VPS45: variants seen among roughly 807,000 people sequenced by gnomAD.
The protein encoded by VPS45 is vacuolar protein sorting 45 homolog, also known as vacuolar protein sorting-associated protein 45.
A neutral mutation model predicts 75.9 loss-of-function variants in VPS45; 35 were observed. The observed-to-expected ratio is 0.46, with a 90% CI of 0.35 to 0.61. The LOEUF (loss-of-function observed/expected upper bound fraction) is 0.61. Among genes scored for constraint, VPS45 ranks in the 20% least tolerant of loss-of-function variants. The pLI, the probability that VPS45 is intolerant of heterozygous loss-of-function variation, is 0.00. For synonymous variants in VPS45, 220 were observed against 238.2 expected (o/e 0.92, Z 0.70); for missense variants, 559 against 685.9 (o/e 0.81, Z 2.07).
Position 150,098,881 on chromosome 1 carries a change from A to T in VPS45, c.1493+5233A>T, listed in dbSNP as rs782379869. 2.4e-6 allele frequency: 3 copies of T among 1,273,094 alleles called. No individual in the cohort carries two copies. The East Asian group carries it at 1.7e-4, about 73-fold the overall frequency. 78.9% of individuals were successfully genotyped at this position (1,273,094 alleles called of 1,614,324 possible). On this transcript the variant is annotated intron_variant, in intron 13 of 14. Coordinates refer to ENST00000644510, the MANE Select transcript of VPS45 (RefSeq NM_007259.5). ...CTCTTGTCTCTGATAAAGGCAAGCA[A>T]CTTTTTCATTTGGTGAGGAAATGGA...
At chr1:150,128,758 G>A (rs1658653556) in intron 14 of VPS45, among the ~76,000 whole-genome samples, 1 of 145,660 alleles carries the variant, frequency 6.9e-6, no homozygotes, top group African/African-American at 2.6e-5. Flanking sequence ...TTTTTTCAGT[G>A]AGACAGAGTC....
rs201955039 is a variant in VPS45 at position 150,077,717 on chromosome 1, G to T, written c.625G>T (p.Val209Phe). ...YELFEFRRTEVPPLLLILDRC... is the reference protein window; with the variant it reads ...YELFEFRRTEFPPLLLILDRC... ...ACTGTTTGAATTCCGTCGGACAGAG[G>T]TTCCTCCATTGCTCCTTATTTTAGA... Residue 209 changes from valine (V) to phenylalanine (F), a missense_variant, in exon 7 of 15, where the codon GTT (valine) becomes TTT (phenylalanine). Physicochemically the swap from Val to Phe is conservative, Grantham distance 50. Transcript: ENST00000644510. 1.4e-4 allele frequency: 221 copies of T among 1,613,992 alleles called. 1 individual carries two copies. The East Asian group carries it at 4.3e-3, about 31-fold the overall frequency.
intron 14 of VPS45, among the ~76,000 whole-genome samples, chr1:150,126,265 C>T (rs1658513591): frequency 6.6e-6 from 1 of 152,014 alleles, no homozygotes; most frequent in South Asian, 2.1e-4. Flanking sequence ...TGCTGGAGTG[C>T]AGTGGTGCCA....
chr1:150,096,027 G>A (rs1407620145), intron 13 of VPS45, among the ~76,000 whole-genome samples: 1 of 152,122 alleles, frequency 6.6e-6, no homozygotes, highest in African/African-American at 2.4e-5. Flanking sequence ...TGAGAGAGAA[G>A]CCAGAATCAA....
In VPS45 at chr1:150,077,046, A is replaced by G. The variant is rs1655430091; in HGVS notation, c.439-48A>G. 1.9e-6 allele frequency: 3 copies of G among 1,613,094 alleles called. No homozygotes were observed. The East Asian group carries it at 6.7e-5, about 36-fold the overall frequency. The stretch of plus-strand genomic sequence containing the variant: ...TAATTCAGCAAATAATTAGACTTGT[A>G]AGAGAAAATTCAAATATTTTCTCTG... On this transcript the variant is annotated intron_variant, in intron 5 of 14. Coordinates refer to ENST00000644510, the MANE Select transcript of VPS45 (RefSeq NM_007259.5).
chr1:150,118,428 C>T (rs782605509), intron 14 of VPS45, among the ~76,000 whole-genome samples: 13 of 151,250 alleles, frequency 8.6e-5, no homozygotes, highest in East Asian at 1.9e-4. Flanking sequence ...TTTTTGGGGA[C>T]GGAGTCTTGC....
chr1:150,131,644 G>A (rs1221806964), intron 14 of VPS45, among the ~76,000 whole-genome samples: 1 of 145,958 alleles, frequency 6.9e-6, no homozygotes, highest in African/African-American at 2.6e-5. Context: ...AGACCAATCT[G>A]GGCAACAAAG....
intron 13 of VPS45, among the ~76,000 whole-genome samples, chr1:150,106,970 A>T (rs782583036): frequency 1.3e-5 from 2 of 152,132 alleles, no homozygotes; most frequent in African/African-American, 2.4e-5. Context: ...TGCATTTCAC[A>T]CTATTAACCA....
At chr1:150,078,223 T>C (rs587724646) in intron 7 of VPS45, among the ~76,000 whole-genome samples, 23 of 152,344 alleles carry the variant, frequency 1.5e-4, no homozygotes, top group African/African-American at 4.6e-4. Flanking sequence ...TTATTACTCT[T>C]GGCTTAAAAA....
At chr1:150,077,018 A>C (rs1553798249) in intron 5 of VPS45, 34 bp downstream of exon 5, 2 of 1,613,678 alleles carry the variant, frequency 1.2e-6, no homozygotes, top group Admixed American at 1.7e-5. Context: ...ATCAGTCGAG[A>C]GTTAATTCAG....
chr1:150,143,186 C>A (rs1659488948), intron 14 of VPS45, among the ~76,000 whole-genome samples: 1 of 152,138 alleles, frequency 6.6e-6, no homozygotes, highest in South Asian at 2.1e-4. Flanking sequence ...ATGGAGGGGT[C>A]TGGAAGGGCT....
intron 14 of VPS45, among the ~76,000 whole-genome samples, chr1:150,143,237 G>A (rs1553815782): frequency 6.6e-6 from 1 of 152,192 alleles, no homozygotes; most frequent in African/African-American, 2.4e-5. Flanking sequence ...ATTTATGTAT[G>A]TATGTATGAA....
At chr1:150,102,075 A>G (rs1657053208) in intron 13 of VPS45, among the ~76,000 whole-genome samples, 1 of 194 alleles carries the variant, frequency 5.2e-3, no homozygotes, top group Non-Finnish European at 9.4e-3. Context: ...CGTCTCTACT[A>G]AAAAATAAAA....
At chr1:150,107,854 T>C (rs1657415441) in intron 13 of VPS45, among the ~76,000 whole-genome samples, 1 of 152,128 alleles carries the variant, frequency 6.6e-6, no homozygotes, top group African/African-American at 2.4e-5. Context: ...TGAGCTGACA[T>C]TGCACCACTG....
chr1:150,142,597 A>G (rs1328452015), intron 14 of VPS45, among the ~76,000 whole-genome samples: 1 of 152,234 alleles, frequency 6.6e-6, no homozygotes, highest in Non-Finnish European at 1.5e-5. Context: ...TCATTCCTCC[A>G]GTCCTCTGTC....
intron 7 of VPS45, among the ~76,000 whole-genome samples, chr1:150,079,375 G>A (rs781937542): frequency 6.6e-6 from 1 of 152,042 alleles, no homozygotes; most frequent in Non-Finnish European, 1.5e-5. Context: ...TAAGAACAGT[G>A]CACATAGCGG....
intron 14 of VPS45, among the ~76,000 whole-genome samples, chr1:150,140,312 C>T (rs72694944): frequency 0.11 from 16,093 of 151,530 alleles, 1,194 homozygotes; most frequent in Non-Finnish European, 0.17. Context: ...TACAAAGAGG[C>T]AGTATAGCAT....
At chr1:150,137,126 C>T (rs1659150231) in intron 14 of VPS45, among the ~76,000 whole-genome samples, 1 of 152,158 alleles carries the variant, frequency 6.6e-6, no homozygotes, top group African/African-American at 2.4e-5. Flanking sequence ...TCTCGAGCTC[C>T]TGAACTCAAA....
At chr1:150,068,519 TTAC>T in intron 1 of VPS45, 108 bp from the exon 2 acceptor site, 1 of 1,038,908 alleles carries the variant, frequency 9.6e-7, no homozygotes, top group African/African-American at 1.6e-5. Flanking sequence ...TTTCCGTATA[TTAC>T]TATTTAAGTT....
Sources: allele counts gnomAD v4.1 joint callset (sites outside exome capture counted in the v4.1 genomes callset), GRCh38; gene constraint gnomAD v4.1.1; transcripts MANE v1.5; gene names NCBI Gene and HGNC (gene_info 2026-07-23, HGNC 2026-07-21).